RABGAP1: variants seen among roughly 807,000 people sequenced by gnomAD.
RABGAP1 encodes the protein RAB GTPase activating protein 1.
A neutral mutation model predicts 137.6 loss-of-function variants in RABGAP1; 23 were observed. The ratio of observed to expected loss-of-function variants is 0.17; its 90% CI spans 0.12 to 0.24. The LOEUF is 0.24. RABGAP1 is among the 10% of genes least tolerant of loss of function. The pLI, the probability that RABGAP1 is intolerant of heterozygous loss-of-function variation, is 1.00. For synonymous variants in RABGAP1, 451 were observed against 450.7 expected (o/e 1.00, Z -0.01); for missense variants, 906 against 1,275.8 (o/e 0.71, Z 4.42).
At position 123,010,470 on chromosome 9, in the gene RABGAP1, A is replaced by G. The variant is rs776037657; in HGVS notation, c.1491A>G (p.Pro497=). The G allele has an allele frequency of 2.5e-6, 4 of 1,614,042 alleles. No homozygotes were observed. Among genetic ancestry groups the G allele is most frequent in the Non-Finnish European group, 3.4e-6 (4 of 1,179,884 alleles). ...CAGCCAGTCCTTCAGTTCGCCTGCC[A>G]CAGTCTGGATCGCAAAGTTCAGTGA... ...KTTASPSVRL[P]QSGSQSSVIP... Residue 497 remains proline, a synonymous_variant, in exon 11 of 26, where the codon CCA becomes CCG. Coordinates refer to ENST00000373647, the MANE Select transcript of RABGAP1 (RefSeq NM_012197.4).
intron 3 of RABGAP1, among the ~76,000 whole-genome samples, chr9:122,985,396 CA>C (rs1836315154): frequency 6.6e-6 from 1 of 152,136 alleles, no homozygotes; most frequent in African/African-American, 2.4e-5. Flanking sequence ...AGGTGGATCA[CA>C]AGGTCAGGAG....
At chr9:123,050,622 C>T (rs559967501) in intron 13 of RABGAP1, among the ~76,000 whole-genome samples, 2 of 152,320 alleles carry the variant, frequency 1.3e-5, no homozygotes, top group African/African-American at 4.8e-5. Context: ...GTTAAGTGAG[C>T]CCACCAATCG....
intron 14 of RABGAP1, among the ~76,000 whole-genome samples, chr9:123,068,515 TA>T (rs2132131654): frequency 6.6e-6 from 1 of 152,348 alleles, no homozygotes; most frequent in East Asian, 1.9e-4. Flanking sequence ...TGTTAGCATA[TA>T]TTACTACTCA....
intron 13 of RABGAP1, among the ~76,000 whole-genome samples, chr9:123,052,560 C>T (rs1230303846): frequency 6.6e-6 from 1 of 152,232 alleles, no homozygotes; most frequent in East Asian, 1.9e-4. Flanking sequence ...ACAGAAATCT[C>T]TGTCTTCATG....
chr9:123,027,108 C>CTT (rs71388345), intron 13 of RABGAP1, among the ~76,000 whole-genome samples: 42 of 100,076 alleles, frequency 4.2e-4, no homozygotes, highest in African/African-American at 1.3e-3. Flanking sequence ...TCTTTCTTTT[C>CTT]TTTTTTTTTT....
At chr9:122,975,382 C>T (rs184492587) in intron 2 of RABGAP1, among the ~76,000 whole-genome samples, 90 of 152,322 alleles carry the variant, frequency 5.9e-4, no homozygotes, top group African/African-American at 2.2e-3. Context: ...CAGGAAATGA[C>T]TCTGGATTTT....
intron 15 of RABGAP1, among the ~76,000 whole-genome samples, chr9:123,072,723 C>T (rs576906650): frequency 6.6e-6 from 1 of 152,338 alleles, no homozygotes; most frequent in African/African-American, 2.4e-5. Flanking sequence ...GCTTTTCTCA[C>T]TTATTACTTA....
chr9:123,076,712 C>T lies in RABGAP1; in HGVS notation c.2374C>T (p.Arg792Cys), dbSNP rs1262314966. ...FFRVQLPKRY[R>C]SEENAKKLME... is the part of the protein sequence containing the mutation. ...TAGGGTTCAGCTTCCTAAGAGATAC[C>T]GCTCAGAAGAAAATGCAAAAAAACT... Residue 792 changes from arginine to cysteine, a missense_variant, in exon 19 of 26, where the codon CGC (arginine) becomes TGC (cysteine). Arg to Cys is a radical substitution (Grantham distance 180, BLOSUM62 -3). Around this residue, in one of 9 missense-constraint regions of RABGAP1, gnomAD observed 77 missense variants for 105.6 expected, o/e 0.73. Transcript: ENST00000373647. 5.6e-6 allele frequency: 9 copies of T among 1,604,014 alleles called. No individual in the cohort carries two copies. Among genetic ancestry groups the T allele is most frequent in the Admixed American group, 1.7e-5 (1 of 58,720 alleles).
At chr9:123,087,442 C>T (rs1174879000) in intron 19 of RABGAP1, among the ~76,000 whole-genome samples, 3 of 152,202 alleles carry the variant, frequency 2.0e-5, no homozygotes, top group Middle Eastern at 3.4e-3. Context: ...GTTTGCTGTT[C>T]GCAGCCGCAT....
rs144044059 is a variant in RABGAP1, at chr9:122,984,449, G to A, written c.151-36G>A. The stretch of plus-strand genomic sequence containing the variant: ...TTTTAATCAATACTGGCCAATCTTT[G>A]TCACTTTGCTGATTGCATGTATTTG... On this transcript the variant is annotated intron_variant, in intron 2 of 25. Transcript: ENST00000373647. 1.4e-5 allele frequency: 22 copies of A among 1,567,502 alleles called. No individual in the cohort carries two copies. The East Asian group carries it at 4.5e-4, about 32-fold the overall frequency.
At chr9:123,067,324 T>C (rs1042367634) in intron 14 of RABGAP1, among the ~76,000 whole-genome samples, 3 of 152,206 alleles carry the variant, frequency 2.0e-5, no homozygotes, top group Non-Finnish European at 4.4e-5. Context: ...GTATCTTACA[T>C]TGCTGGCAGT....
chr9:123,033,779 T>C (rs558935092), intron 13 of RABGAP1: 1 of 152,352 alleles, frequency 6.6e-6, no homozygotes, highest in African/African-American at 2.4e-5. Flanking sequence ...GTAAATTCTG[T>C]TGAAATGTTT....
intron 21 of RABGAP1, among the ~76,000 whole-genome samples, chr9:123,090,889 T>G (rs2035013153): frequency 6.6e-6 from 1 of 152,248 alleles, no homozygotes; most frequent in African/African-American, 2.4e-5. Flanking sequence ...TGGAATGATG[T>G]CTTTCCTGGC....
At chr9:123,092,778 T>C (rs2035068912) in intron 21 of RABGAP1, among the ~76,000 whole-genome samples, 2 of 152,148 alleles carry the variant, frequency 1.3e-5, no homozygotes, top group African/African-American at 4.8e-5. Flanking sequence ...ATAATTATGA[T>C]CCCCATTTTA....
chr9:122,985,352 C>T lies in RABGAP1; in HGVS notation c.385+633C>T, dbSNP rs776189447. The stretch of plus-strand genomic sequence containing the variant: ...CAGTTAGGCCGGGCGCAGTGGCTCA[C>T]GCCTGTGATCCCAGCACATTGGGAG... On this transcript the variant is annotated intron_variant, in intron 3 of 25. Transcript: ENST00000373647. Among the ~76,000 whole-genome samples the T allele has an allele frequency of 3.9e-5, 6 of 152,176 alleles. No homozygotes were observed. The East Asian group carries it at 5.8e-4, about 15-fold the overall frequency.
intron 2 of RABGAP1, among the ~76,000 whole-genome samples, chr9:122,958,048 T>G (rs1286522180): frequency 2.0e-5 from 3 of 152,198 alleles, no homozygotes; most frequent in Non-Finnish European, 4.4e-5. Context: ...GTTCACACCT[T>G]CTATCCCTAC....
rs1426729034 is a variant in RABGAP1, at chr9:122,942,682, A to C, written c.-50+1589A>C. ...GAGACTCCGTCTCAAAAAAAAAAAA[A>C]AAAAAACACAAAAAAACAAAATAGG... is the stretch of plus-strand genomic sequence containing the variant. On this transcript the variant is annotated intron_variant, in intron 1 of 25. Coordinates refer to ENST00000373647, the MANE Select transcript of RABGAP1 (RefSeq NM_012197.4). Among the ~76,000 whole-genome samples the C allele has an allele frequency of 4.4e-4, 66 of 151,070 alleles. 3 individuals carry two copies. Among genetic ancestry groups the C allele is most frequent in the African/African-American group, 1.6e-3 (65 of 41,270 alleles).
rs1417067578 is a variant in RABGAP1 at position 123,020,298 on chromosome 9, CTTATTTT to C, written c.1644-9_1644-3del. 2.0e-6 allele frequency: 3 copies of C among 1,519,296 alleles called. No individual in the cohort carries two copies. Among genetic ancestry groups the C allele is most frequent in the South Asian group, 2.7e-5 (2 of 74,494 alleles). 94.1% of individuals were successfully genotyped at this position (1,519,296 alleles called of 1,614,324 possible). A position where few individuals can be genotyped will look rare whatever the true frequency, so the allele number is the denominator to read the frequency against. On this transcript the variant is annotated splice_region_variant and splice_polypyrimidine_tract_variant and intron_variant, in intron 12 of 25. Coordinates refer to ENST00000373647, the MANE Select transcript of RABGAP1 (RefSeq NM_012197.4). ...CCTTTTATGATTTATGGTTTATGGC[CTTATTTT>C]TAGGCATCTCAACTTGAATGTGAGA... is the stretch of plus-strand genomic sequence containing the variant.
chr9:122,971,292 A>G (rs955694344), intron 2 of RABGAP1, among the ~76,000 whole-genome samples: 1 of 152,214 alleles, frequency 6.6e-6, no homozygotes, highest in Non-Finnish European at 1.5e-5. Context: ...TTGAATTTAC[A>G]CTGCTTGTAT....
Sources: allele counts gnomAD v4.1 joint callset (sites outside exome capture counted in the v4.1 genomes callset), GRCh38; gene constraint gnomAD v4.1.1; regional missense constraint gnomAD v4.1.1; transcripts MANE v1.5; gene names NCBI Gene and HGNC (gene_info 2026-07-23, HGNC 2026-07-21).